The following SYT10 variants were observed in gnomAD, a reference collection of about 807,000 sequenced individuals.
The protein encoded by SYT10 is synaptotagmin 10.
A neutral mutation model predicts 51.1 loss-of-function variants in SYT10; 31 were observed. The ratio of observed to expected loss-of-function variants is 0.61; its 90% confidence interval spans 0.46 to 0.82. The LOEUF is 0.82. Ranked by LOEUF, SYT10 falls within the 40% of genes least tolerant of loss-of-function variation. SYT10 has a pLI of 0.00. For missense variants in SYT10, 603 were observed against 634.0 expected (o/e 0.95, Z 0.53); for synonymous variants, 233 against 225.9 (o/e 1.03, Z -0.28).
rs117149144 is a variant in SYT10, at chr12:33,420,238, T to C, written c.509+5900A>G. 7.5e-3 allele frequency among the ~76,000 whole-genome samples: 1,142 copies of C among 152,332 alleles called. 6 individuals are homozygous for C. The highest frequency in any genetic ancestry group is 0.012 in the Non-Finnish European group (804 of 68,032). On this transcript the variant is annotated intron_variant, in intron 2 of 6. Transcript: ENST00000228567. ...AGACTTTCTTCTAAATTGTGGTCTT[T>C]ATTATGGCAGAGAGTATTATTCATC... is the stretch of plus-strand genomic sequence containing the variant.
chr12:33,414,170 C>T (rs1023840428), intron 2 of SYT10, among the ~76,000 whole-genome samples: 32 of 152,178 alleles, frequency 2.1e-4, no homozygotes, highest in Middle Eastern at 3.4e-3. Context: ...ACAGGAGCAC[C>T]CAGATTCATA....
intron 1 of SYT10, among the ~76,000 whole-genome samples, chr12:33,428,188 TGA>T (rs1379041347): frequency 3.9e-5 from 6 of 152,218 alleles, no homozygotes; most frequent in African/African-American, 1.4e-4. Context: ...TTGCTCGTAC[TGA>T]GTTTGAAGTA....
chr12:33,375,734 T>C lies in SYT10; in HGVS notation c.*1096A>G, dbSNP rs1866056893. On this transcript the variant is annotated 3_prime_UTR_variant, in exon 7 of 7. Transcript: ENST00000228567. Reference sequence around the variant, plus strand: ...GAAGTTGTATTATTAATATTTATAGTATATTTCTATATGTTGCTGAAAATA... The same window carrying C: ...GAAGTTGTATTATTAATATTTATAGCATATTTCTATATGTTGCTGAAAATA... 1 of 152,540 alleles carries C rather than the reference T, an allele frequency of 6.6e-6. No individual in the cohort carries two copies. Among genetic ancestry groups the C allele is most frequent in the Non-Finnish European group, 1.5e-5 (1 of 67,992 alleles). 9.4% of individuals were successfully genotyped at this position (152,540 alleles called of 1,614,324 possible).
At chr12:33,412,960 A>G (rs1338423156) in intron 2 of SYT10, among the ~76,000 whole-genome samples, 1 of 152,244 alleles carries the variant, frequency 6.6e-6, no homozygotes, top group Non-Finnish European at 1.5e-5. Context: ...ATGGCTAACT[A>G]GAATAACCAG....
At position 33,397,408 on chromosome 12, in the gene SYT10, G is replaced by C. The variant is rs183213359; in HGVS notation, c.1077+9381C>G. Among the ~76,000 whole-genome samples, 516 of 152,248 alleles carry C rather than the reference G, an allele frequency of 3.4e-3. 1 individual carries two copies. The highest frequency in any genetic ancestry group is 4.0e-3 in the Non-Finnish European group (270 of 68,010). ...CAGAAAGAAAGTGGTCAGAAAAAAGGCCTGCTTTGAGAAAAACTGTACCCT... is the reference window on the plus strand; with the variant it reads ...CAGAAAGAAAGTGGTCAGAAAAAAGCCCTGCTTTGAGAAAAACTGTACCCT... On this transcript the variant is annotated intron_variant, in intron 3 of 6. Transcript: ENST00000228567.
chr12:33,429,780 G>T (rs1392407730), intron 1 of SYT10, among the ~76,000 whole-genome samples: 1 of 152,286 alleles, frequency 6.6e-6, no homozygotes, highest in East Asian at 1.9e-4. Flanking sequence ...CGAAATATTT[G>T]GATTTACAAT....
chr12:33,391,263 T>C (rs1283764072), intron 3 of SYT10, among the ~76,000 whole-genome samples: 1 of 152,066 alleles, frequency 6.6e-6, no homozygotes, highest in East Asian at 1.9e-4. Context: ...TTTTTTTTTA[T>C]CTTGTTTTGT....
chr12:33,392,854 C>T (rs1866220824), intron 3 of SYT10, among the ~76,000 whole-genome samples: 1 of 151,234 alleles, frequency 6.6e-6, no homozygotes, highest in Admixed American at 6.6e-5. Flanking sequence ...AGCAACCACC[C>T]AGAGCTACTA....
intron 2 of SYT10, chr12:33,407,938 A>G (rs10844582): frequency 0.72 from 108,966 of 152,210 alleles, 40,600 homozygotes; most frequent in East Asian, 0.95. Flanking sequence ...TATGCTTTTG[A>G]AATTTTGTAC....
intron 3 of SYT10, among the ~76,000 whole-genome samples, chr12:33,393,413 C>T (rs1403056779): frequency 6.6e-6 from 1 of 152,164 alleles, no homozygotes; most frequent in Non-Finnish European, 1.5e-5. Flanking sequence ...AAACTATATA[C>T]AACTCTCCTT....
chr12:33,390,758 C>G (rs1866198042), intron 3 of SYT10, among the ~76,000 whole-genome samples: 1 of 152,096 alleles, frequency 6.6e-6, no homozygotes, highest in Non-Finnish European at 1.5e-5. Context: ...AAATGCCAAG[C>G]ACTCTTCTAG....
chr12:33,418,615 C>T (rs1229301437), intron 2 of SYT10, among the ~76,000 whole-genome samples: 1 of 152,170 alleles, frequency 6.6e-6, no homozygotes. Context: ...TTGATTTTCC[C>T]AGACGCTCGG....
chr12:33,426,123 T>A lies in SYT10; in HGVS notation c.509+15A>T. 1 of 1,570,436 alleles carries A rather than the reference T, an allele frequency of 6.4e-7. No individual in the cohort carries two copies. Among genetic ancestry groups the A allele is most frequent in the Non-Finnish European group, 8.6e-7 (1 of 1,162,224 alleles). ...ACGCACACACACCAGTTTTATATAT[T>A]TAATCTTTCCTTACCGGGTTGATGA... On this transcript the variant is annotated intron_variant, in intron 2 of 6. Transcript: ENST00000228567.
chr12:33,377,003 G>T (rs928052622), intron 6 of SYT10, 102 bp from the exon 7 acceptor site: 2 of 1,209,458 alleles, frequency 1.7e-6, no homozygotes, highest in South Asian at 1.3e-5. Flanking sequence ...CATAATATGC[G>T]AATCTCTGAA....
intron 1 of SYT10, 151 bp downstream of exon 1, chr12:33,439,221 G>T (rs1285349674): frequency 5.0e-6 from 5 of 1,007,152 alleles, no homozygotes; most frequent in African/African-American, 1.6e-5. Flanking sequence ...AAGTCGTCAG[G>T]AGCTGAGCGA....
intron 6 of SYT10, among the ~76,000 whole-genome samples, chr12:33,379,551 A>C (rs1866095246): frequency 1.3e-5 from 1 of 74,184 alleles, no homozygotes; most frequent in Admixed American, 1.4e-4. Context: ...AGGCTATGCA[A>C]AAAAAAAAAA....
intron 4 of SYT10, among the ~76,000 whole-genome samples, chr12:33,383,857 C>T (rs1415022926): frequency 1.3e-5 from 2 of 152,140 alleles, no homozygotes; most frequent in Admixed American, 1.3e-4. Context: ...TGTAATCTTG[C>T]ACTTAATTAT....
At chr12:33,397,676 G>A (rs1460906289) in intron 3 of SYT10, among the ~76,000 whole-genome samples, 3 of 151,972 alleles carry the variant, frequency 2.0e-5, no homozygotes, top group Non-Finnish European at 4.4e-5. Context: ...ATGCAGACTG[G>A]TGAGGGAACA....
At chr12:33,405,722 GAC>G (rs1346658807) in intron 3 of SYT10, 1 of 151,644 alleles carries the variant, frequency 6.6e-6, no homozygotes, top group African/African-American at 2.4e-5. Flanking sequence ...TCAAACAAAA[GAC>G]AGTAAATATG....
Sources: gnomAD v4.1 joint callset for allele counts (sites outside exome capture counted in the v4.1 genomes callset) on GRCh38, gnomAD v4.1.1 for gene constraint, MANE v1.5 for transcripts, NCBI Gene and HGNC (gene_info 2026-07-23, HGNC 2026-07-21) for gene names.